Variants in TMEM192 observed in about 807,000 individuals in gnomAD.
TMEM192 encodes the protein transmembrane protein 192.
A neutral mutation model predicts 26.7 loss-of-function variants in TMEM192; 20 were observed. The observed-to-expected ratio is 0.75, with a 90% CI of 0.53 to 1.09. The LOEUF is 1.09. TMEM192 is among the 50% of genes least tolerant of loss of function. TMEM192 has a pLI of 0.00. For synonymous variants in TMEM192, 124 were observed against 121.0 expected, an observed-to-expected ratio of 1.02 and a Z score of -0.16; for missense variants, 304 against 322.6, an observed-to-expected ratio of 0.94 and a Z score of 0.44.
chr4:165,111,252 C>A (rs544927495), intron 1 of TMEM192, among the ~76,000 whole-genome samples: 14 of 152,214 alleles, frequency 9.2e-5, no homozygotes, highest in African/African-American at 3.4e-4. Flanking sequence ...CACCACCCCA[C>A]CTGGCTAATT....
chr4:165,097,493 CAAAAAAA>C (rs60822491), intron 3 of TMEM192, among the ~76,000 whole-genome samples: 3 of 59,000 alleles, frequency 5.1e-5, no homozygotes, highest in Non-Finnish European at 1.0e-4. Flanking sequence ...GACTCCATCT[CAAAAAAA>C]AAAAAAAAAA....
intron 3 of TMEM192, among the ~76,000 whole-genome samples, chr4:165,100,023 T>G (rs990218605): frequency 5.9e-5 from 9 of 152,160 alleles, no homozygotes; most frequent in African/African-American, 1.7e-4. Context: ...AGCATTTCTA[T>G]CTTTATGAGA....
rs1230770221 is a variant in TMEM192 at position 165,112,805 on chromosome 4, G to A, written c.-32C>T. The A allele has an allele frequency of 1.2e-6, 2 of 1,602,236 alleles. No individual in the cohort carries two copies. Among genetic ancestry groups the A allele is most frequent in the Admixed American group, 3.3e-5 (2 of 59,702 alleles). ...ACGCCGGAGGCCGAAGCCCTGGCCA[G>A]CCCGGCCTCTCCACCTGGACCTGTA... On this transcript the variant is annotated 5_prime_UTR_variant, in exon 1 of 6. Transcript: ENST00000306480.
intron 5 of TMEM192, 100 bp downstream of exon 5, chr4:165,085,486 G>T: frequency 2.5e-6 from 2 of 789,250 alleles, no homozygotes; most frequent in Non-Finnish European, 4.1e-6. Context: ...TCAAACAAAT[G>T]TAAAAGTACA....
Position 165,100,694 on chromosome 4 carries a change from C to T in TMEM192, c.373G>A (p.Gly125Ser), listed in dbSNP as rs373824939. Residue 125 changes from glycine (G) to serine (S), a missense_variant, in exon 3 of 6, where the codon GGC becomes AGC. By Grantham distance (56) the Gly-to-Ser change is moderately conservative (BLOSUM62 0). Coordinates refer to ENST00000306480, the MANE Select transcript of TMEM192 (RefSeq NM_001100389.2). The part of the protein sequence containing the change: ...QYHHSKIRNR[G>S]YNLIYRSTRH... ...GTTGATCGGTAGATCAAGTTATAGC[C>T]TCGGTTTCTGATTTTGCTGTGGTGA... The T allele has an allele frequency of 1.2e-5, 19 of 1,613,960 alleles. No homozygotes were observed. The highest frequency in any genetic ancestry group is 2.7e-5 in the African/African-American group (2 of 74,892).
At chr4:165,108,112 CTTTTTTTTTTTTTTT>C (rs755013001) in intron 1 of TMEM192, among the ~76,000 whole-genome samples, 2 of 91,174 alleles carry the variant, frequency 2.2e-5, no homozygotes, top group Non-Finnish European at 3.8e-5. Context: ...TCTGTATTCC[CTTTTTTTTTTTTTTT>C]TTTTTTTTTT....
rs1345920631 is a variant in TMEM192 at position 165,078,406 on chromosome 4, T to G, written c.*1252A>C. 6.6e-6 allele frequency: 1 copy of G among 152,224 alleles called. No individual in the cohort carries two copies. Among genetic ancestry groups the G allele is most frequent in the East Asian group, 1.9e-4 (1 of 5,202 alleles). The allele number at this position is 152,224 out of a possible 1,614,324, so 9.4% of individuals were successfully genotyped here. On this transcript the variant is annotated 3_prime_UTR_variant, in exon 6 of 6. Coordinates refer to ENST00000306480, the MANE Select transcript of TMEM192 (RefSeq NM_001100389.2). ...AAAATGGAGAAATAATGCCATTTGC[T>G]CTGAAAAATACTTCAGTTTTATCTT...
chr4:165,090,910 CAAAAAAAA>C (rs70952700), intron 3 of TMEM192, among the ~76,000 whole-genome samples: 3 of 51,022 alleles, frequency 5.9e-5, no homozygotes, highest in Non-Finnish European at 9.9e-5. Context: ...GACTCTGTCT[CAAAAAAAA>C]AAAAAAAAAA....
rs1277240569 is a variant in TMEM192, at chr4:165,078,715, A to G, written c.*943T>C. 1 of 152,274 alleles carries G rather than the reference A, an allele frequency of 6.6e-6. No individual in the cohort carries two copies. The highest frequency in any genetic ancestry group is 2.4e-5 in the African/African-American group (1 of 41,484). 9.4% of individuals were successfully genotyped at this position (152,274 alleles called of 1,614,324 possible). On this transcript the variant is annotated 3_prime_UTR_variant, in exon 6 of 6. Coordinates refer to ENST00000306480, the MANE Select transcript of TMEM192 (RefSeq NM_001100389.2). ...GGAAGGTGCTGCCAATATAATAGGC[A>G]ACACAGGTTCGTCTAACACAGGTCG...
intron 5 of TMEM192, among the ~76,000 whole-genome samples, chr4:165,084,802 A>G (rs1734572560): frequency 6.6e-6 from 1 of 151,938 alleles, no homozygotes. Flanking sequence ...TTTAGCCCCA[A>G]GATCTCCAAC....
At position 165,077,926 on chromosome 4, in the gene TMEM192, A is replaced by ACGATCTT. The variant is rs1396486734; in HGVS notation, c.*1725_*1731dup. 3 of 150,990 alleles carry ACGATCTT rather than the reference A, an allele frequency of 2.0e-5. No individual in the cohort carries two copies. Among genetic ancestry groups the ACGATCTT allele is most frequent in the Non-Finnish European group, 4.4e-5 (3 of 67,780 alleles). The allele number at this position is 150,990 out of a possible 1,614,324, so 9.4% of individuals were successfully genotyped here. A position where few individuals can be genotyped will look rare whatever the true frequency, so the allele number is the denominator to read the frequency against. On this transcript the variant is annotated 3_prime_UTR_variant, in exon 6 of 6. Transcript: ENST00000306480. ...TGTGAATGTTGTGTGCAGGTGACACACGATCTTTTTTTTTTTTTTTTGAGA... is the reference window on the plus strand; with the variant it reads ...TGTGAATGTTGTGTGCAGGTGACACACGATCTTCGATCTTTTTTTTTTTTTTTTGAGA...
chr4:165,088,725 G>T, intron 3 of TMEM192, 123 bp from the exon 4 acceptor site: 1 of 965,638 alleles, frequency 1.0e-6, no homozygotes, highest in Non-Finnish European at 1.5e-6. Context: ...GTAATTTCCT[G>T]AGTGATCAGA....
At chr4:165,081,484 T>A (rs7437003) in intron 5 of TMEM192, among the ~76,000 whole-genome samples, 76,419 of 96,042 alleles carry the variant, frequency 0.8, 31,733 homozygotes, top group East Asian at 0.93. Flanking sequence ...CATGGGTTCA[T>A]GCCATTCTCC....
intron 3 of TMEM192, among the ~76,000 whole-genome samples, chr4:165,093,443 A>C (rs184954071): frequency 1.3e-3 from 194 of 152,218 alleles, no homozygotes; most frequent in African/African-American, 4.2e-3. Context: ...AGGAAAAAAA[A>C]CTTCTGCAGA....
chr4:165,089,721 G>C (rs1734709743), intron 3 of TMEM192, among the ~76,000 whole-genome samples: 1 of 152,056 alleles, frequency 6.6e-6, no homozygotes, highest in Non-Finnish European at 1.5e-5. Flanking sequence ...TCTATGACTG[G>C]CCAGGGGAGA....
At chr4:165,089,870 A>C (rs951777935) in intron 3 of TMEM192, among the ~76,000 whole-genome samples, 1 of 152,006 alleles carries the variant, frequency 6.6e-6, no homozygotes, top group African/African-American at 2.4e-5. Context: ...CAACAGGTAT[A>C]TTTGGTTTTT....
At position 165,074,521 on chromosome 4, in the gene TMEM192, A is replaced by T. The variant is rs2111251122; in HGVS notation, c.*5137T>A. ...GAGTGCAGTGGTGCGATCTCGGCTC[A>T]CTGCAACCTCCACCTCCCGGGTTCA... is the stretch of plus-strand genomic sequence containing the variant. On this transcript the variant is annotated 3_prime_UTR_variant, in exon 6 of 6. Transcript: ENST00000306480. 1.3e-5 allele frequency: 2 copies of T among 152,064 alleles called. No homozygotes were observed. The allele number at this position is 152,064 out of a possible 1,614,324, so 9.4% of individuals were successfully genotyped here.
chr4:165,111,392 C>G (rs546164215), intron 1 of TMEM192, among the ~76,000 whole-genome samples: 5 of 152,306 alleles, frequency 3.3e-5, no homozygotes, highest in African/African-American at 1.2e-4. Context: ...CCCAGACCAT[C>G]CCCAGGCTCC....
rs1192516217 is a variant in TMEM192, at chr4:165,078,244, T to C, written c.*1414A>G. On this transcript the variant is annotated 3_prime_UTR_variant, in exon 6 of 6. Coordinates refer to ENST00000306480, the MANE Select transcript of TMEM192 (RefSeq NM_001100389.2). ...TGGTTACATATCAAATATTGAATAT[T>C]CAGCTAATGATCAAAAAAGATTAAC... 1 of 152,170 alleles carries C rather than the reference T, an allele frequency of 6.6e-6. No individual in the cohort carries two copies. Among genetic ancestry groups the C allele is most frequent in the African/African-American group, 2.4e-5 (1 of 41,442 alleles). The allele number at this position is 152,170 out of a possible 1,614,324, so 9.4% of individuals were successfully genotyped here.
Sources: allele counts gnomAD v4.1 joint callset (sites outside exome capture counted in the v4.1 genomes callset), GRCh38; gene constraint gnomAD v4.1.1; transcripts MANE v1.5; gene names NCBI Gene and HGNC (gene_info 2026-07-23, HGNC 2026-07-21).